The following ITGA1 variants were observed in gnomAD, a reference collection of about 807,000 sequenced individuals.
ITGA1 encodes the protein integrin subunit alpha 1.
A neutral mutation model predicts 145.9 loss-of-function variants in ITGA1; 85 were observed. The observed-to-expected ratio is 0.58, with a 90% confidence interval of 0.49 to 0.70. ITGA1 has a LOEUF of 0.70. Among genes scored for constraint, ITGA1 ranks in the 30% least tolerant of loss-of-function variants. The pLI is 0.00. For synonymous variants in ITGA1, 520 were observed against 495.3 expected (o/e 1.05, Z -0.66); for missense variants, 1,351 against 1,418.7 (o/e 0.95, Z 0.77).
intron 8 of ITGA1, among the ~76,000 whole-genome samples, chr5:52,891,565 A>T (rs1264678095): frequency 1.3e-5 from 2 of 151,278 alleles, no homozygotes; most frequent in East Asian, 1.9e-4. Context: ...TAAAAAAAAA[A>T]AAAAAAAAAA....
chr5:52,923,012 A>G (rs1387838164), intron 18 of ITGA1, 125 bp downstream of exon 18: 6 of 613,026 alleles, frequency 9.8e-6, no homozygotes, highest in East Asian at 8.7e-5. Flanking sequence ...GAAGAAAGAA[A>G]AAAAAGGCAA....
intron 1 of ITGA1, chr5:52,800,546 C>T: frequency 6.2e-7 from 1 of 1,613,898 alleles, no homozygotes; most frequent in Non-Finnish European, 8.5e-7. Flanking sequence ...CAGACAGAGT[C>T]CTCCACGGGC....
rs1750485419 is a variant in ITGA1, at chr5:52,910,375, A to C, written c.1813A>C (p.Ile605Leu). 1.2e-6 allele frequency: 2 copies of C among 1,613,692 alleles called. No homozygotes were observed. Among genetic ancestry groups the C allele is most frequent in the Admixed American group, 1.7e-5 (1 of 59,966 alleles). The change falls in exon 14 of 29, where the codon ATT (isoleucine) becomes CTT (leucine). Residue 605 changes from isoleucine to leucine, a missense_variant. Coordinates refer to ENST00000282588, the MANE Select transcript of ITGA1 (RefSeq NM_181501.2). ...AGATGATCACGGGGGAGCTGTGTAC[A>C]TTTATCATGGAAGTGGCAAGACTAT... ...LEDDHGGAVY[I>L]YHGSGKTIRK... is the part of the protein sequence containing the mutation.
chr5:52,849,452 C>G lies in ITGA1; in HGVS notation c.149C>G (p.Thr50Ser). The change falls in exon 2 of 29, where the codon ACT becomes AGT. Residue 50 changes from threonine (T) to serine (S), a missense_variant. Physicochemically the swap from Thr to Ser is moderately conservative, Grantham distance 58. Transcript: ENST00000282588. The part of the protein sequence containing the change: ...SGPVEDMFGY[T>S]VQQYENEEGK... ...CCGGTGGAAGACATGTTTGGATATA[C>G]TGTTCAACAATATGAAAATGAAGAA... The G allele has an allele frequency of 6.2e-7, 1 of 1,610,120 alleles. No individual in the cohort carries two copies. The highest frequency in any genetic ancestry group is 1.1e-5 in the South Asian group (1 of 90,696).
intron 2 of ITGA1, among the ~76,000 whole-genome samples, chr5:52,858,476 A>C (rs1749550743): frequency 6.6e-6 from 1 of 152,196 alleles, no homozygotes; most frequent in Non-Finnish European, 1.5e-5. Flanking sequence ...GCAAACTAAA[A>C]ATTGTGTTTT....
chr5:52,924,131 A>G (rs1750768902), intron 18 of ITGA1, among the ~76,000 whole-genome samples: 1 of 151,990 alleles, frequency 6.6e-6, no homozygotes. Context: ...CTTTTTCCCC[A>G]TACACCTATC....
chr5:52,935,460 A>G (rs1031879655), intron 23 of ITGA1, among the ~76,000 whole-genome samples: 2 of 152,148 alleles, frequency 1.3e-5, no homozygotes, highest in Admixed American at 1.3e-4. Flanking sequence ...GAGACAACGT[A>G]ATATTTTAGA....
In ITGA1 at chr5:52,947,329, G is replaced by T; in HGVS notation, c.3379-16G>T. The T allele has an allele frequency of 6.8e-7, 1 of 1,480,266 alleles. No homozygotes were observed. The highest frequency in any genetic ancestry group is 9.4e-7 in the Non-Finnish European group (1 of 1,058,552). 91.7% of individuals were successfully genotyped at this position (1,480,266 alleles called of 1,614,324 possible). On this transcript the variant is annotated splice_polypyrimidine_tract_variant and intron_variant, in intron 27 of 28. Coordinates refer to ENST00000282588, the MANE Select transcript of ITGA1 (RefSeq NM_181501.2). Reference sequence around the variant, plus strand: ...AGGTGTTTATTATGTTAACAATCTTGTTTAATAATTTTCAGCTTGCTATTC... The same window carrying T: ...AGGTGTTTATTATGTTAACAATCTTTTTTAATAATTTTCAGCTTGCTATTC...
chr5:52,796,079 A>G (rs1748336317), intron 1 of ITGA1, among the ~76,000 whole-genome samples: 1 of 152,038 alleles, frequency 6.6e-6, no homozygotes. Context: ...CTTAAAAAAT[A>G]TTACTGCAGC....
intron 8 of ITGA1, among the ~76,000 whole-genome samples, chr5:52,888,185 A>AAAGG (rs955895215): frequency 2.0e-5 from 3 of 152,010 alleles, no homozygotes; most frequent in Non-Finnish European, 4.4e-5. Context: ...ACAATCATTG[A>AAAGG]AAGGAAGGAA....
intron 1 of ITGA1, among the ~76,000 whole-genome samples, chr5:52,816,312 C>T (rs954033025): frequency 2.6e-5 from 4 of 152,038 alleles, no homozygotes; most frequent in Admixed American, 6.6e-5. Flanking sequence ...TTCTTGTTTT[C>T]AAATAAAGAT....
intron 26 of ITGA1, among the ~76,000 whole-genome samples, chr5:52,942,220 C>G (rs1751064015): frequency 6.6e-6 from 1 of 152,098 alleles, no homozygotes; most frequent in Non-Finnish European, 1.5e-5. Flanking sequence ...ATGGGTCTGG[C>G]TTTGTTCTTT....
Position 52,897,537 on chromosome 5 carries a change from A to G in ITGA1, c.1164+9A>G, listed in dbSNP as rs1561241247. ...GTGCTCATTATTCACAGGTATGTTG[A>G]CCAGTTGGTGAAAAATGAAATATAT... On this transcript the variant is annotated intron_variant, in intron 10 of 28. Coordinates refer to ENST00000282588, the MANE Select transcript of ITGA1 (RefSeq NM_181501.2). 6.2e-7 allele frequency: 1 copy of G among 1,607,236 alleles called. No individual in the cohort carries two copies.
chr5:52,838,569 G>A (rs1466293677), intron 1 of ITGA1, among the ~76,000 whole-genome samples: 1 of 152,040 alleles, frequency 6.6e-6, no homozygotes, highest in African/African-American at 2.4e-5. Context: ...CGTATATTTT[G>A]CCTCCTGTTT....
In ITGA1 at chr5:52,800,830, C is replaced by T; in HGVS notation, c.61+12416C>T. On this transcript the variant is annotated intron_variant, in intron 1 of 28. Coordinates refer to ENST00000282588, the MANE Select transcript of ITGA1 (RefSeq NM_181501.2). Reference sequence around the variant, plus strand: ...GGCGGCTGTGGTCATGCAGGAAGGCCTCGCCCATATCTGCTTAGTCACTCC... The same window carrying T: ...GGCGGCTGTGGTCATGCAGGAAGGCTTCGCCCATATCTGCTTAGTCACTCC... 1 of 1,609,938 alleles carries T rather than the reference C, an allele frequency of 6.2e-7. No individual in the cohort carries two copies. The highest frequency in any genetic ancestry group is 1.3e-5 in the African/African-American group (1 of 75,006).
In ITGA1 at chr5:52,942,144, C is replaced by G. The variant is rs908548585; in HGVS notation, c.3285+2200C>G. On this transcript the variant is annotated intron_variant, in intron 26 of 28. Transcript: ENST00000282588. ...TGTTTCACTGGTCCATGTGGCTCTT[C>G]TGTACCAGTATCATACTGTTTTGAT... Among the ~76,000 whole-genome samples, 19 of 152,232 alleles carry G rather than the reference C, an allele frequency of 1.2e-4. 1 individual carries two copies. In the East Asian group the frequency reaches 3.1e-3, roughly 25 times the overall value.
Position 52,957,679 on chromosome 5 carries a change from C to T in ITGA1, c.*5228C>T, listed in dbSNP as rs1751323752. 1 of 152,194 alleles carries T rather than the reference C, an allele frequency of 6.6e-6. No homozygotes were observed. The highest frequency in any genetic ancestry group is 2.1e-4 in the South Asian group (1 of 4,826). The allele number at this position is 152,194 out of a possible 1,614,324, so 9.4% of individuals were successfully genotyped here. On this transcript the variant is annotated 3_prime_UTR_variant, in exon 29 of 29. Coordinates refer to ENST00000282588, the MANE Select transcript of ITGA1 (RefSeq NM_181501.2). The stretch of plus-strand genomic sequence containing the variant: ...ATGATTTGGGGTTTCCTCAGCAAGG[C>T]CATTCTCTGCCTTGTGCCCATAGCA...
At position 52,947,362 on chromosome 5, in the gene ITGA1, C is replaced by A; in HGVS notation, c.3396C>A (p.Ser1132=). 1 of 1,610,864 alleles carries A rather than the reference C, an allele frequency of 6.2e-7. No homozygotes were observed. The highest frequency in any genetic ancestry group is 1.1e-5 in the South Asian group (1 of 90,890). Residue 1132 remains serine, a synonymous_variant, in exon 28 of 29, where the codon TCC becomes TCA. Transcript: ENST00000282588. The stretch of plus-strand genomic sequence containing the variant: ...ATTTTCAGCTTGCTATTCAAATATC[C>A]AAAGATGGGCTACCGGGCAGAGTGC... ...NQKRELAIQI[S]KDGLPGRVPL...
At chr5:52,807,039 A>G (rs1010796023) in intron 1 of ITGA1, among the ~76,000 whole-genome samples, 6 of 152,158 alleles carry the variant, frequency 3.9e-5, no homozygotes, top group Non-Finnish European at 8.8e-5. Flanking sequence ...TTTATTTCCT[A>G]AAATTGCCTA....
Sources: gnomAD v4.1 joint callset for allele counts (sites outside exome capture counted in the v4.1 genomes callset) on GRCh38, gnomAD v4.1.1 for gene constraint, MANE v1.5 for transcripts, NCBI Gene and HGNC (gene_info 2026-07-23, HGNC 2026-07-21) for gene names.